CACNA2D4: variants seen among roughly 807,000 people sequenced by gnomAD.
CACNA2D4 encodes calcium voltage-gated channel auxiliary subunit alpha2delta 4.
A neutral mutation model predicts 163.8 loss-of-function variants in CACNA2D4; 157 were observed. The observed-to-expected ratio is 0.96, with a 90% CI of 0.84 to 1.09. CACNA2D4 has a LOEUF of 1.09. Ranked by LOEUF, CACNA2D4 falls within the 50% of genes least tolerant of loss-of-function variation. The pLI is 0.00. For missense variants in CACNA2D4, 1,410 were observed against 1,479.9 expected, an observed-to-expected ratio of 0.95 and a Z score of 0.78; for synonymous variants, 598 against 586.9, an observed-to-expected ratio of 1.02 and a Z score of -0.27.
rs571514876 is a variant in CACNA2D4, at chr12:1,883,386, C to T, written c.1352-386G>A. 1.3e-5 allele frequency among the ~76,000 whole-genome samples: 2 copies of T among 152,316 alleles called. No homozygotes were observed. Among genetic ancestry groups the T allele is most frequent in the African/African-American group, 4.8e-5 (2 of 41,568 alleles). ...TTCTTCTGCCACTCTTAGGTCTCTT[C>T]AGGGAACCCAATCAGAGGCAGAGAT... is the stretch of plus-strand genomic sequence containing the variant. On this transcript the variant is annotated intron_variant, in intron 12 of 37. Coordinates refer to ENST00000382722, the MANE Select transcript of CACNA2D4 (RefSeq NM_172364.5). This position sits in a 1 kb window ranked among gnomAD's most constrained non-coding sequence, Gnocchi z 4.5.
chr12:1,827,086 C>A (rs557877737), intron 26 of CACNA2D4, among the ~76,000 whole-genome samples: 51 of 152,322 alleles, frequency 3.3e-4, no homozygotes, highest in African/African-American at 1.2e-3. Context: ...GCAGGGAGCC[C>A]GTGGAGGGCG....
chr12:1,874,655 A>G lies in CACNA2D4; in HGVS notation c.1827T>C (p.Asn609=), dbSNP rs776997675. Residue 609 remains asparagine (N), a synonymous_variant, in exon 18 of 38, where the codon AAT becomes AAC. Transcript: ENST00000382722. The surrounding 1 kb of genome is among the most constrained non-coding windows in gnomAD (Gnocchi z 4.4). ...CCATCGAGAGAGTACCTGTTTCCCT[A>G]TTGATCATGGCTGTTCTCAGCTTCA... ...QAESLRTAMI[N]RETGTLSMDV... is the part of the protein sequence containing the mutation. 2 of 1,612,940 alleles carry G rather than the reference A, an allele frequency of 1.2e-6. No individual in the cohort carries two copies. Among genetic ancestry groups the G allele is most frequent in the South Asian group, 1.1e-5 (1 of 91,042 alleles).
intron 11 of CACNA2D4, 133 bp downstream of exon 11, chr12:1,884,635 A>T: frequency 1.5e-6 from 1 of 664,934 alleles, no homozygotes; most frequent in Middle Eastern, 4.0e-4. Flanking sequence ...ATTAAAATGC[A>T]TCTGAAAGCA....
At chr12:1,800,258 C>G (rs1863266564) in intron 32 of CACNA2D4, 128 bp downstream of exon 32, 1 of 1,079,264 alleles carries the variant, frequency 9.3e-7, no homozygotes, top group Non-Finnish European at 1.4e-6. Flanking sequence ...AGGGATTGTG[C>G]CCTCCTTCCC....
At chr12:1,880,908 G>A (rs1470100917) in intron 13 of CACNA2D4, among the ~76,000 whole-genome samples, 2 of 152,200 alleles carry the variant, frequency 1.3e-5, no homozygotes, top group Admixed American at 1.3e-4. Context: ...CAGCTCCCAG[G>A]CTCTTGGAGG....
intron 26 of CACNA2D4, among the ~76,000 whole-genome samples, chr12:1,832,287 G>A (rs1479691946): frequency 6.6e-6 from 1 of 152,190 alleles, no homozygotes; most frequent in Admixed American, 6.5e-5. Flanking sequence ...CTGTGGCAGG[G>A]CCTGGTCTGT....
Position 1,833,823 on chromosome 12 carries a change from T to C in CACNA2D4, c.2551+6916A>G, listed in dbSNP as rs1028073730. Among the ~76,000 whole-genome samples, 1 of 152,152 alleles carries C rather than the reference T, an allele frequency of 6.6e-6. No homozygotes were observed. The highest frequency in any genetic ancestry group is 2.1e-4 in the South Asian group (1 of 4,826). ...AGATGCTGTGTTGAGAACGGTATCC[T>C]GGGCTCACAGACAGGTGATGAGCAG... On this transcript the variant is annotated intron_variant, in intron 26 of 37. Transcript: ENST00000382722. This position sits in a 1 kb window ranked among gnomAD's most constrained non-coding sequence, Gnocchi z 4.2.
chr12:1,803,585 G>A (rs929460623), intron 29 of CACNA2D4, among the ~76,000 whole-genome samples: 4 of 152,200 alleles, frequency 2.6e-5, no homozygotes, highest in African/African-American at 9.7e-5. Context: ...CACTAAAAAT[G>A]CATGGCAAAT....
At chr12:1,857,995 C>A in intron 20 of CACNA2D4, among the ~76,000 whole-genome samples, 1 of 152,170 alleles carries the variant, frequency 6.6e-6, no homozygotes, top group Non-Finnish European at 1.5e-5. Flanking sequence ...AAGTGTGCAG[C>A]TGCAAGACGA....
Position 1,804,871 on chromosome 12 carries a change from C to T in CACNA2D4, c.2722-3227G>A, listed in dbSNP as rs1245950105. Among the ~76,000 whole-genome samples the T allele has an allele frequency of 2.0e-5, 3 of 152,232 alleles. No individual in the cohort carries two copies. The East Asian group carries it at 5.8e-4, about 29-fold the overall frequency. ...TCCATTCTTTTATGAGAGAATAAAC[C>T]TTTAGTTGTTTAAGCCACTTCTCTT... On this transcript the variant is annotated intron_variant, in intron 29 of 37. Transcript: ENST00000382722.
chr12:1,878,343 A>T lies in CACNA2D4; in HGVS notation c.1691T>A (p.Ile564Asn). The change falls in exon 16 of 38, where the codon ATC becomes AAC. Residue 564 changes from isoleucine (I) to asparagine (N), a missense_variant. Coordinates refer to ENST00000382722, the MANE Select transcript of CACNA2D4 (RefSeq NM_172364.5). This position sits in a 1 kb window ranked among gnomAD's most constrained non-coding sequence, Gnocchi z 4.6. ...YAFLNTNNGY[I>N]LSHPDLRPLY... is the part of the protein sequence containing the mutation. Reference sequence around the variant, plus strand: ...GGGCCGGAGGTCGGGATGGGAGAGGATGTAGCCATTGTTGGTGTTCAGAAA... The same window carrying T: ...GGGCCGGAGGTCGGGATGGGAGAGGTTGTAGCCATTGTTGGTGTTCAGAAA... 1 of 1,610,028 alleles carries T rather than the reference A, an allele frequency of 6.2e-7. No individual in the cohort carries two copies. The highest frequency in any genetic ancestry group is 8.5e-7 in the Non-Finnish European group (1 of 1,178,414).
In CACNA2D4 at chr12:1,828,283, C is replaced by A. The variant is rs995839050; in HGVS notation, c.2551+12456G>T. Reference sequence around the variant, plus strand: ...GGGGTGCCGAGGTGACTGTAGGTAGCGCCATATGGGACCTTAGCCACACTC... The same window carrying A: ...GGGGTGCCGAGGTGACTGTAGGTAGAGCCATATGGGACCTTAGCCACACTC... On this transcript the variant is annotated intron_variant, in intron 26 of 37. Coordinates refer to ENST00000382722, the MANE Select transcript of CACNA2D4 (RefSeq NM_172364.5). This position sits in a 1 kb window ranked among gnomAD's most constrained non-coding sequence, Gnocchi z 4.2. 2 of 1,358,580 alleles carry A rather than the reference C, an allele frequency of 1.5e-6. No homozygotes were observed. Among genetic ancestry groups the A allele is most frequent in the South Asian group, 2.8e-5 (2 of 71,714 alleles). The allele number at this position is 1,358,580 out of a possible 1,614,324, so 84.2% of individuals were successfully genotyped here. A position where few individuals can be genotyped will look rare whatever the true frequency, so the allele number is the denominator to read the frequency against.
intron 26 of CACNA2D4, among the ~76,000 whole-genome samples, chr12:1,819,081 G>T (rs535837233): frequency 6.6e-6 from 1 of 152,238 alleles, no homozygotes; most frequent in East Asian, 1.9e-4. Context: ...CAAAGAGAAT[G>T]CCAGAGATCG....
rs928151677 is a variant in CACNA2D4 at position 1,798,960 on chromosome 12, C to T, written c.2995+715G>A. Reference sequence around the variant, plus strand: ...CCAAGCCAAGGCCAGCAGAAGAGAACGAAGAGCAAGCCAGAGAGAGGACCA... The same window carrying T: ...CCAAGCCAAGGCCAGCAGAAGAGAATGAAGAGCAAGCCAGAGAGAGGACCA... On this transcript the variant is annotated intron_variant, in intron 34 of 37. Coordinates refer to ENST00000382722, the MANE Select transcript of CACNA2D4 (RefSeq NM_172364.5). This position sits in a 1 kb window ranked among gnomAD's most constrained non-coding sequence, Gnocchi z 4.3. Among the ~76,000 whole-genome samples the T allele has an allele frequency of 2.8e-4, 42 of 152,196 alleles. No homozygotes were observed. The highest frequency in any genetic ancestry group is 1.0e-3 in the African/African-American group (42 of 41,546).
intron 36 of CACNA2D4, 21 bp downstream of exon 36, chr12:1,795,647 T>A (rs1347398894): frequency 2.6e-6 from 4 of 1,519,032 alleles, no homozygotes; most frequent in Non-Finnish European, 3.7e-6. Flanking sequence ...ACCGCACACA[T>A]CCCCGAGCAT....
chr12:1,858,064 G>T (rs753295831), intron 20 of CACNA2D4, among the ~76,000 whole-genome samples: 1 of 152,246 alleles, frequency 6.6e-6, no homozygotes, highest in Non-Finnish European at 1.5e-5. Flanking sequence ...TGGAGGCTTT[G>T]TGGGGAGCAC....
Position 1,869,305 on chromosome 12 carries a change from A to T in CACNA2D4, c.1878+5299T>A, listed in dbSNP as rs1441322199. Among the ~76,000 whole-genome samples the T allele has an allele frequency of 6.6e-6, 1 of 152,212 alleles. No individual in the cohort carries two copies. The highest frequency in any genetic ancestry group is 2.4e-5 in the African/African-American group (1 of 41,462). On this transcript the variant is annotated intron_variant, in intron 18 of 37. Coordinates refer to ENST00000382722, the MANE Select transcript of CACNA2D4 (RefSeq NM_172364.5). The surrounding 1 kb of genome is among the most constrained non-coding windows in gnomAD (Gnocchi z 4.7). ...GTTTTGCACACTGAAGTCCGCACAGAATACCAGGCTCTGCCACTCTTTGCT... is the reference window on the plus strand; with the variant it reads ...GTTTTGCACACTGAAGTCCGCACAGTATACCAGGCTCTGCCACTCTTTGCT...
At chr12:1,891,443 T>C (rs1415723280) in intron 6 of CACNA2D4, among the ~76,000 whole-genome samples, 1 of 152,100 alleles carries the variant, frequency 6.6e-6, no homozygotes, top group Non-Finnish European at 1.5e-5. Context: ...TCCTCCCATA[T>C]AAAAGCAAAT....
chr12:1,863,897 C>CAAA (rs34899618), intron 18 of CACNA2D4, among the ~76,000 whole-genome samples: 63 of 143,358 alleles, frequency 4.4e-4, no homozygotes, highest in Admixed American at 1.4e-3. Context: ...AATCACTTTA[C>CAAA]AAAAAAAAAA....
Sources: gnomAD v4.1 joint callset for allele counts (sites outside exome capture counted in the v4.1 genomes callset) on GRCh38, gnomAD v4.1.1 for gene constraint, Gnocchi (gnomAD v3.1) non-coding constraint, MANE v1.5 for transcripts, NCBI Gene and HGNC (gene_info 2026-07-23, HGNC 2026-07-21) for gene names.